ULK4: variants seen among roughly 807,000 people sequenced by gnomAD.
ULK4 encodes the protein unc-51 like kinase 4, also known as inactive serine/threonine-protein kinase ULK4.
Under a neutral mutation model 160.6 loss-of-function variants are expected in ULK4, and 133 were observed. The observed-to-expected ratio is 0.83, with a 90% CI of 0.72 to 0.96. The LOEUF (loss-of-function observed/expected upper bound fraction) is 0.96, where lower values mean the gene tolerates loss of function less well. ULK4 is among the 40% of genes least tolerant of loss of function. The pLI is 0.00. For missense variants in ULK4, 1,580 were observed against 1,499.5 expected, an observed-to-expected ratio of 1.05 and a Z score of -0.89; for synonymous variants, 534 against 539.8, an observed-to-expected ratio of 0.99 and a Z score of 0.15.
At chr3:41,441,488 T>C (rs1217379841) in intron 34 of ULK4, among the ~76,000 whole-genome samples, 1 of 152,070 alleles carries the variant, frequency 6.6e-6, no homozygotes, top group African/African-American at 2.4e-5. Context: ...TATGGTGAGT[T>C]CTACATATTT....
intron 30 of ULK4, among the ~76,000 whole-genome samples, chr3:41,649,564 G>A (rs574392571): frequency 2.6e-5 from 4 of 152,302 alleles, no homozygotes; most frequent in East Asian, 1.9e-4. Context: ...GGGCACTGTC[G>A]CAACCCAGCT....
intron 32 of ULK4, among the ~76,000 whole-genome samples, chr3:41,554,459 G>A (rs891766186): frequency 3.9e-5 from 6 of 152,154 alleles, no homozygotes; most frequent in Non-Finnish European, 8.8e-5. Context: ...GGCACAGAAA[G>A]ACAAGTATCA....
At chr3:41,311,804 G>C (rs79849135) in intron 35 of ULK4, among the ~76,000 whole-genome samples, 11,937 of 151,114 alleles carry the variant, frequency 0.079, 1,203 homozygotes, top group African/African-American at 0.23. Flanking sequence ...TCCTGACCTT[G>C]TGATCCGCCA....
intron 2 of ULK4, among the ~76,000 whole-genome samples, chr3:41,942,685 C>T (rs1233693166): frequency 2.0e-5 from 3 of 151,822 alleles, no homozygotes; most frequent in Non-Finnish European, 2.9e-5. Flanking sequence ...GGCATGGAGG[C>T]GCATGCCTGT....
intron 27 of ULK4, among the ~76,000 whole-genome samples, chr3:41,683,148 G>A (rs1206661545): frequency 1.3e-5 from 2 of 151,956 alleles, no homozygotes; most frequent in Non-Finnish European, 2.9e-5. Context: ...TAACCCCAAG[G>A]CTTTAGTCAT....
At chr3:41,247,050 C>A in intron 36 of ULK4, 58 bp from the exon 37 acceptor site, 1 of 1,554,292 alleles carries the variant, frequency 6.4e-7, no homozygotes, top group South Asian at 1.2e-5. Context: ...AAAGTGCTCC[C>A]CCCTTTCAAA....
chr3:41,443,133 C>T (rs1372477047), intron 34 of ULK4, among the ~76,000 whole-genome samples: 1 of 152,124 alleles, frequency 6.6e-6, no homozygotes, highest in African/African-American at 2.4e-5. Context: ...CAAAACCACC[C>T]TTGTCATTTA....
At chr3:41,816,580 C>T (rs561255669) in intron 19 of ULK4, among the ~76,000 whole-genome samples, 2 of 152,056 alleles carry the variant, frequency 1.3e-5, no homozygotes, top group South Asian at 2.1e-4. Flanking sequence ...TCTGGGAGGC[C>T]GAGGGAGGTG....
rs780465066 is a variant in ULK4 at position 41,511,464 on chromosome 3, C to T, written c.3227-48211G>A. On this transcript the variant is annotated intron_variant, in intron 32 of 36. Transcript: ENST00000301831. ...AGAAATGAAATGGGATATATTACTA[C>T]TGATACCACAGAAACACAAAAGATT... Among the ~76,000 whole-genome samples, 2 of 152,096 alleles carry T rather than the reference C, an allele frequency of 1.3e-5. 1 individual carries two copies. Among genetic ancestry groups the T allele is most frequent in the Admixed American group, 1.3e-4 (2 of 15,268 alleles).
intron 25 of ULK4, among the ~76,000 whole-genome samples, chr3:41,710,511 G>A (rs989463840): frequency 2.6e-5 from 4 of 152,038 alleles, no homozygotes; most frequent in East Asian, 1.9e-4. Context: ...ATTTGTCAGA[G>A]AACCGGACGT....
At chr3:41,658,426 A>G (rs1285064928) in intron 30 of ULK4, among the ~76,000 whole-genome samples, 4 of 152,198 alleles carry the variant, frequency 2.6e-5, no homozygotes, top group Non-Finnish European at 4.4e-5. Context: ...GCTTGCTTAA[A>G]TATCTTTTGA....
At chr3:41,363,557 C>T (rs1383994899) in intron 35 of ULK4, among the ~76,000 whole-genome samples, 2 of 152,196 alleles carry the variant, frequency 1.3e-5, no homozygotes, top group Non-Finnish European at 2.9e-5. Context: ...CATTCTAGTT[C>T]ACCCAACACT....
intron 35 of ULK4, among the ~76,000 whole-genome samples, chr3:41,356,479 C>A (rs78004608): frequency 6.6e-6 from 1 of 152,296 alleles, no homozygotes; most frequent in East Asian, 1.9e-4. Context: ...CATCAGGAAC[C>A]ATATCCTTAC....
intron 21 of ULK4, among the ~76,000 whole-genome samples, chr3:41,761,439 T>G (rs2038982666): frequency 6.7e-6 from 1 of 150,148 alleles, no homozygotes; most frequent in East Asian, 1.9e-4. Context: ...CAACAATGTA[T>G]AACAGCAATG....
At chr3:41,463,522 T>C (rs900424329) in intron 32 of ULK4, among the ~76,000 whole-genome samples, 1 of 152,230 alleles carries the variant, frequency 6.6e-6, no homozygotes, top group South Asian at 2.1e-4. Context: ...AGAAACACCA[T>C]CCTACATGGG....
intron 31 of ULK4, among the ~76,000 whole-genome samples, chr3:41,611,530 A>G (rs1019621951): frequency 1.2e-4 from 18 of 152,308 alleles, no homozygotes; most frequent in African/African-American, 4.3e-4. Context: ...CCAGCCCCAC[A>G]GTCCCTTTGA....
At chr3:41,416,956 G>A (rs919104772) in intron 34 of ULK4, among the ~76,000 whole-genome samples, 3 of 152,128 alleles carry the variant, frequency 2.0e-5, no homozygotes, top group Non-Finnish European at 2.9e-5. Flanking sequence ...AGCTGAAAGT[G>A]CACTGAAATG....
At chr3:41,406,575 C>T (rs2082297882) in intron 34 of ULK4, among the ~76,000 whole-genome samples, 1 of 152,108 alleles carries the variant, frequency 6.6e-6, no homozygotes, top group African/African-American at 2.4e-5. Context: ...ATAATTGGTG[C>T]ATTTAGACCA....
intron 31 of ULK4, among the ~76,000 whole-genome samples, chr3:41,576,261 C>T (rs950185931): frequency 6.6e-6 from 1 of 152,182 alleles, no homozygotes; most frequent in Non-Finnish European, 1.5e-5. Context: ...ATGTTGTTTC[C>T]TGAAGCTGGT....
Sources: gnomAD v4.1 joint callset for allele counts (sites outside exome capture counted in the v4.1 genomes callset) on GRCh38, gnomAD v4.1.1 for gene constraint, MANE v1.5 for transcripts, NCBI Gene and HGNC (gene_info 2026-07-23, HGNC 2026-07-21) for gene names.